TRIM63: variants seen among roughly 807,000 people sequenced by gnomAD.
The protein encoded by TRIM63 is E3 ubiquitin-protein ligase TRIM63.
A neutral mutation model predicts 46.0 loss-of-function variants in TRIM63; 48 were observed. The ratio of observed to expected loss-of-function variants is 1.04; its 90% CI spans 0.83 to 1.33. The LOEUF is 1.33. TRIM63 is among the 40% of genes most tolerant of loss of function. The pLI, the probability that TRIM63 is intolerant of heterozygous loss-of-function variation, is 0.00. For missense variants in TRIM63, 455 were observed against 441.2 expected (o/e 1.03, Z -0.28); for synonymous variants, 175 against 162.8 (o/e 1.08, Z -0.57).
chr1:26,052,566 T>C (rs1452030836), intron 8 of TRIM63, among the ~76,000 whole-genome samples: 1 of 152,174 alleles, frequency 6.6e-6, no homozygotes, highest in Non-Finnish European at 1.5e-5. Flanking sequence ...CCTGGGGTTC[T>C]AGCGATTCTC....
chr1:26,060,418 C>G lies in TRIM63; in HGVS notation c.502-57G>C, dbSNP rs912873471. ...AGACACAAATAGCCTCAGGGCCTACCCACTGGGGCATGGCAGCAACATGGC... is the reference window on the plus strand; with the variant it reads ...AGACACAAATAGCCTCAGGGCCTACGCACTGGGGCATGGCAGCAACATGGC... On this transcript the variant is annotated intron_variant, in intron 3 of 8. Transcript: ENST00000374272. 6.3e-5 allele frequency: 85 copies of G among 1,358,472 alleles called. 1 individual carries two copies. The highest frequency in any genetic ancestry group is 3.6e-4 in the Middle Eastern group (2 of 5,566). The allele number at this position is 1,358,472 out of a possible 1,614,324, so 84.2% of individuals were successfully genotyped here. A position where few individuals can be genotyped will look rare whatever the true frequency, so the allele number is the denominator to read the frequency against.
At chr1:26,063,384 C>T (rs1484107350) in intron 2 of TRIM63, among the ~76,000 whole-genome samples, 1 of 152,244 alleles carries the variant, frequency 6.6e-6, no homozygotes. Context: ...CACCTCCAAA[C>T]AGCCTTACAT....
chr1:26,054,067 C>G, intron 7 of TRIM63, 103 bp from the exon 8 acceptor site: 1 of 783,982 alleles, frequency 1.3e-6, no homozygotes, highest in South Asian at 2.0e-5. Flanking sequence ...CCTTCCTGTG[C>G]CCAGTCGGGT....
chr1:26,066,257 C>G lies in TRIM63; in HGVS notation c.332+11G>C. 1 of 1,613,798 alleles carries G rather than the reference C, an allele frequency of 6.2e-7. No homozygotes were observed. On this transcript the variant is annotated intron_variant, in intron 2 of 8. Coordinates refer to ENST00000374272, the MANE Select transcript of TRIM63 (RefSeq NM_032588.4). Reference sequence around the variant, plus strand: ...AAGGAGGGCGGGCCCCCAGCAGGCACGAGAACCGACCTGGAGCACTCCTGT... The same window carrying G: ...AAGGAGGGCGGGCCCCCAGCAGGCAGGAGAACCGACCTGGAGCACTCCTGT...
intron 2 of TRIM63, among the ~76,000 whole-genome samples, chr1:26,063,305 C>T (rs1328904780): frequency 6.6e-6 from 1 of 152,090 alleles, no homozygotes; most frequent in African/African-American, 2.4e-5. Flanking sequence ...ACCTTCGATT[C>T]CCAGCCCCAA....
chr1:26,061,477 G>T, intron 2 of TRIM63, 143 bp from the exon 3 acceptor site: 1 of 854,676 alleles, frequency 1.2e-6, no homozygotes. Flanking sequence ...CAGTGTGTCT[G>T]TGAATCTCCA....
chr1:26,057,623 C>G lies in TRIM63; in HGVS notation c.854+5G>C, dbSNP rs1338663907. 1 of 1,610,530 alleles carries G rather than the reference C, an allele frequency of 6.2e-7. No individual in the cohort carries two copies. The highest frequency in any genetic ancestry group is 1.3e-5 in the African/African-American group (1 of 74,946). ...TTGGATCATAGCCTCTAGGAAGACA[C>G]TGACCTTTTGATGAGTTGCTTGGCA... On this transcript the variant is annotated splice_donor_5th_base_variant and intron_variant, in intron 6 of 8. Coordinates refer to ENST00000374272, the MANE Select transcript of TRIM63 (RefSeq NM_032588.4).
Position 26,067,379 on chromosome 1 carries a change from C to A in TRIM63, c.116G>T (p.Cys39Phe). The part of the protein sequence containing the change: ...MFTKPVVILP[C>F]QHNLCRKCAN... ...ACACTTCCGGCACAGGTTGTGCTGG[C>A]ACGGCAAGATGACCACTGGCTTGGT... Residue 39 changes from cysteine to phenylalanine, a missense_variant, in exon 1 of 9, where the codon TGC becomes TTC. Cys to Phe is a radical substitution (Grantham distance 205). Coordinates refer to ENST00000374272, the MANE Select transcript of TRIM63 (RefSeq NM_032588.4). The A allele has an allele frequency of 6.2e-7, 1 of 1,614,168 alleles. No homozygotes were observed. The highest frequency in any genetic ancestry group is 8.5e-7 in the Non-Finnish European group (1 of 1,180,034).
At chr1:26,062,988 C>T (rs559231975) in intron 2 of TRIM63, among the ~76,000 whole-genome samples, 2 of 152,216 alleles carry the variant, frequency 1.3e-5, no homozygotes, top group South Asian at 2.1e-4. Context: ...AACTCCTGGC[C>T]TCATGTGATC....
intron 7 of TRIM63, among the ~76,000 whole-genome samples, chr1:26,056,226 A>T (rs747558523): frequency 1.4e-4 from 22 of 152,114 alleles, no homozygotes; most frequent in Middle Eastern, 3.2e-3. Flanking sequence ...ATTTGCTTCC[A>T]TTCAGTTTCT....
chr1:26,060,202 C>A (rs1434610451), intron 4 of TRIM63, 64 bp downstream of exon 4: 2 of 1,483,524 alleles, frequency 1.3e-6, no homozygotes, highest in African/African-American at 2.8e-5. Context: ...GGTGAGCCTT[C>A]CCCAGAGACC....
Position 26,061,146 on chromosome 1 carries a change from A to T in TRIM63, c.501+20T>A. 1 of 1,610,082 alleles carries T rather than the reference A, an allele frequency of 6.2e-7. No individual in the cohort carries two copies. Among genetic ancestry groups the T allele is most frequent in the Non-Finnish European group, 8.5e-7 (1 of 1,177,424 alleles). On this transcript the variant is annotated intron_variant, in intron 3 of 8. Transcript: ENST00000374272. ...GCCCAGCAGGCCCAGGCTGGGGGTAAAAGTGGCTGGAGACAGTACCTTTTG... is the reference window on the plus strand; with the variant it reads ...GCCCAGCAGGCCCAGGCTGGGGGTATAAGTGGCTGGAGACAGTACCTTTTG...
At chr1:26,053,004 C>T (rs953628622) in intron 8 of TRIM63, among the ~76,000 whole-genome samples, 4 of 152,166 alleles carry the variant, frequency 2.6e-5, no homozygotes, top group African/African-American at 9.7e-5. Flanking sequence ...AGTGCAGTGG[C>T]GCAATCATAG....
intron 3 of TRIM63, 103 bp from the exon 4 acceptor site, chr1:26,060,464 T>C (rs938185425): frequency 3.9e-5 from 32 of 830,046 alleles, no homozygotes; most frequent in Non-Finnish European, 5.9e-5. Context: ...CCCTCTCTGC[T>C]AGAAAGAGCC....
At chr1:26,064,849 C>T (rs1557575970) in intron 2 of TRIM63, among the ~76,000 whole-genome samples, 1 of 152,212 alleles carries the variant, frequency 6.6e-6, no homozygotes, top group African/African-American at 2.4e-5. Flanking sequence ...GAGATCTGGT[C>T]TGTCACCTTC....
chr1:26,060,015 C>T (rs2050607965), intron 4 of TRIM63, among the ~76,000 whole-genome samples: 1 of 152,218 alleles, frequency 6.6e-6, no homozygotes, highest in African/African-American at 2.4e-5. Context: ...TCCCTGAGCT[C>T]AGGGACCACG....
At position 26,067,417 on chromosome 1, in the gene TRIM63, G is replaced by T; in HGVS notation, c.78C>A (p.Cys26Ter). ...NLEKQLICPICLEMFTKPVVI... is the reference protein window; with the variant it reads ...NLEKQLICPI ...CCACTGGCTTGGTAAACATCTCCAG[G>T]CAGATAGGGCAGATCAGCTGCTTCT... Residue 26 changes from cysteine to a stop codon, truncating the protein, a stop_gained, in exon 1 of 9, where the codon TGC becomes TGA. Transcript: ENST00000374272. LOFTEE classifies it high-confidence loss of function. The T allele has an allele frequency of 6.2e-7, 1 of 1,614,178 alleles. No individual in the cohort carries two copies.
Position 26,067,512 on chromosome 1 carries a change from G to C in TRIM63, c.-18C>G. ...TAATCCATTCTGTGGGAAGGAATGA[G>C]AGCCACGCCTAGCTGCCTCCTCTAC... On this transcript the variant is annotated 5_prime_UTR_variant, in exon 1 of 9. Coordinates refer to ENST00000374272, the MANE Select transcript of TRIM63 (RefSeq NM_032588.4). The C allele has an allele frequency of 6.2e-7, 1 of 1,613,202 alleles. No homozygotes were observed. The highest frequency in any genetic ancestry group is 8.5e-7 in the Non-Finnish European group (1 of 1,179,832).
intron 3 of TRIM63, among the ~76,000 whole-genome samples, 166 bp downstream of exon 3, chr1:26,061,000 C>T (rs1039345728): frequency 6.6e-6 from 1 of 152,162 alleles, no homozygotes; most frequent in African/African-American, 2.4e-5. Flanking sequence ...AGCTGCCTCC[C>T]CTAGGAAGGC....
Sources: allele counts gnomAD v4.1 joint callset (sites outside exome capture counted in the v4.1 genomes callset), GRCh38; gene constraint gnomAD v4.1.1; transcripts MANE v1.5; gene names NCBI Gene and HGNC (gene_info 2026-07-23, HGNC 2026-07-21).